Variants in DNAH17 observed in about 807,000 individuals in gnomAD.
DNAH17 encodes the protein axonemal beta dynein heavy chain 17.
In DNAH17, 376 loss-of-function variants were observed where a neutral mutation model predicts 485.6. The observed-to-expected ratio is 0.77, with a 90% CI of 0.71 to 0.84. DNAH17 has a LOEUF of 0.84. Among genes scored for constraint, DNAH17 ranks in the 40% least tolerant of loss-of-function variants. The pLI is 0.00. For missense variants in DNAH17, 6,370 were observed against 5,839.3 expected, an observed-to-expected ratio of 1.09 and a Z score of -2.96; for synonymous variants, 3,031 against 2,405.9, an observed-to-expected ratio of 1.26 and a Z score of -7.60.
intron 78 of DNAH17, 54 bp downstream of exon 78, chr17:78,426,872 C>T (rs1455666896): frequency 2.6e-6 from 4 of 1,553,228 alleles, no homozygotes; most frequent in African/African-American, 1.4e-5. Context: ...GCCTGGGTTT[C>T]TGCTGGTTTC....
chr17:78,484,825 G>GC, intron 48 of DNAH17, 43 bp downstream of exon 48: 1 of 1,201,078 alleles, frequency 8.3e-7, no homozygotes, highest in Non-Finnish European at 1.1e-6. Flanking sequence ...CGCCCTCACC[G>GC]CCCCGGGGCC....
chr17:78,571,505 G>A (rs2092357101), intron 4 of DNAH17, 85 bp downstream of exon 4: 1 of 1,535,280 alleles, frequency 6.5e-7, no homozygotes, highest in Non-Finnish European at 9.0e-7. Flanking sequence ...GGACTCCTGG[G>A]AGGTTGGCAC....
rs1475969027 is a variant in DNAH17 at position 78,545,511 on chromosome 17, G to T, written c.2392-1514C>A. Among the ~76,000 whole-genome samples, 5 of 152,116 alleles carry T rather than the reference G, an allele frequency of 3.3e-5. No homozygotes were observed. In the East Asian group the frequency reaches 9.6e-4, roughly 29 times the overall value. On this transcript the variant is annotated intron_variant, in intron 16 of 80. Transcript: ENST00000389840. ...CGCCTTCTTGTTGTGACCTCACATGGCGGAGGGGCAGAGTGAGCTCTCTCA... is the reference window on the plus strand; with the variant it reads ...CGCCTTCTTGTTGTGACCTCACATGTCGGAGGGGCAGAGTGAGCTCTCTCA...
intron 16 of DNAH17, among the ~76,000 whole-genome samples, chr17:78,549,101 A>C (rs138083936): frequency 3.3e-5 from 5 of 152,320 alleles, no homozygotes; most frequent in Non-Finnish European, 7.4e-5. Context: ...TATGAACTGC[A>C]CGTCTGTGTT....
intron 73 of DNAH17, among the ~76,000 whole-genome samples, 177 bp from the exon 74 acceptor site, chr17:78,438,045 A>G (rs905327663): frequency 1.3e-5 from 2 of 152,122 alleles, no homozygotes; most frequent in Non-Finnish European, 2.9e-5. Context: ...GGTGCTGGGC[A>G]TGCCAGGATG....
intron 48 of DNAH17, 151 bp downstream of exon 48, chr17:78,484,717 G>C (rs961295983): frequency 2.2e-6 from 1 of 455,352 alleles, no homozygotes; most frequent in Non-Finnish European, 3.5e-6. Context: ...TACGACCCGT[G>C]TCTCCCTACC....
At position 78,551,470 on chromosome 17, in the gene DNAH17, T is replaced by TG; in HGVS notation, c.2391+64dup. ...ACTTTCCATGGGCCTCTACGTAGCC[T>TG]GGTTTGCCCCAGGGCAGCCCCAGGC... is the stretch of plus-strand genomic sequence containing the variant. On this transcript the variant is annotated intron_variant, in intron 16 of 80. Coordinates refer to ENST00000389840, the MANE Select transcript of DNAH17 (RefSeq NM_173628.4). The TG allele has an allele frequency of 3.3e-6, 5 of 1,493,162 alleles. No individual in the cohort carries two copies. In the South Asian group the frequency reaches 5.7e-5, roughly 17 times the overall value. The allele number at this position is 1,493,162 out of a possible 1,614,324, so 92.5% of individuals were successfully genotyped here.
chr17:78,506,904 C>T, intron 29 of DNAH17, 58 bp from the exon 30 acceptor site: 1 of 1,602,360 alleles, frequency 6.2e-7, no homozygotes, highest in Non-Finnish European at 8.5e-7. Flanking sequence ...GGGATGTCTG[C>T]CACCCACCCT....
intron 40 of DNAH17, 129 bp from the exon 41 acceptor site, chr17:78,494,302 G>A (rs779945324): frequency 3.4e-5 from 46 of 1,345,810 alleles, no homozygotes; most frequent in Non-Finnish European, 4.4e-5. Flanking sequence ...ATGCACGTGC[G>A]TCTGCAAGTT....
At chr17:78,569,109 C>A in intron 9 of DNAH17, 57 bp downstream of exon 9, 1 of 1,404,404 alleles carries the variant, frequency 7.1e-7, no homozygotes, top group Non-Finnish European at 9.9e-7. Flanking sequence ...TGCAGGTGTC[C>A]TAGGGTAGGA....
chr17:78,513,113 C>T (rs757018252), intron 26 of DNAH17, among the ~76,000 whole-genome samples: 11 of 151,974 alleles, frequency 7.2e-5, no homozygotes, highest in Non-Finnish European at 1.6e-4. Flanking sequence ...CCCCCCTCTG[C>T]TAGGGGCATT....
intron 20 of DNAH17, among the ~76,000 whole-genome samples, chr17:78,531,411 T>C (rs968484412): frequency 1.4e-5 from 2 of 147,962 alleles, no homozygotes; most frequent in Non-Finnish European, 3.0e-5. Flanking sequence ...TGATCTTGAC[T>C]CACTGCAAGC....
intron 27 of DNAH17, 59 bp downstream of exon 27, chr17:78,510,325 G>A: frequency 2.5e-6 from 4 of 1,590,604 alleles, no homozygotes; most frequent in South Asian, 2.2e-5. Flanking sequence ...TCAGTGGTTG[G>A]AGGGGGCAGT....
intron 58 of DNAH17, among the ~76,000 whole-genome samples, chr17:78,461,302 G>A (rs771273591): frequency 7.9e-5 from 12 of 152,194 alleles, no homozygotes; most frequent in Non-Finnish European, 1.8e-4. Context: ...GTAGGCTGGG[G>A]GCTGAACATG....
At chr17:78,550,029 CA>C (rs972634478) in intron 16 of DNAH17, among the ~76,000 whole-genome samples, 3 of 152,154 alleles carry the variant, frequency 2.0e-5, no homozygotes, top group Non-Finnish European at 2.9e-5. Context: ...ATCGAGAAGC[CA>C]CACGTGCAGA....
chr17:78,514,503 CAA>C (rs79884057), intron 26 of DNAH17, among the ~76,000 whole-genome samples: 26 of 112,148 alleles, frequency 2.3e-4, no homozygotes, highest in African/African-American at 6.6e-4. Flanking sequence ...GACTCCGTCT[CAA>C]AAAAAAAAAA....
intron 58 of DNAH17, 80 bp from the exon 59 acceptor site, chr17:78,460,337 T>TGTGTGTGCATGTGTGTGCA: frequency 1.1e-6 from 1 of 897,008 alleles, no homozygotes; most frequent in Non-Finnish European, 1.7e-6. Context: ...TGTGTGTGCA[T>TGTGTGTGCATGTGTGTGCA]GTGTGTGCAT....
chr17:78,484,878 G>A lies in DNAH17; in HGVS notation c.7639C>T (p.His2547Tyr). 3.2e-6 allele frequency: 5 copies of A among 1,565,178 alleles called. No individual in the cohort carries two copies. Among genetic ancestry groups the A allele is most frequent in the East Asian group, 2.4e-5 (1 of 42,030 alleles). ...PHTLIRQHMD[H>Y]RHWYDRHKLT... ...CCCGCCCCGTCTAACCAGTGCCGGT[G>A]GTCCATGTGCTGCCGGATGAGGGTG... Residue 2547 changes from histidine to tyrosine, a missense_variant, in exon 48 of 81, where the codon CAC becomes TAC. His to Tyr is a moderately conservative substitution (Grantham distance 83). Transcript: ENST00000389840.
chr17:78,475,508 C>G, intron 53 of DNAH17, 39 bp from the exon 54 acceptor site: 1 of 1,612,364 alleles, frequency 6.2e-7, no homozygotes, highest in Non-Finnish European at 8.5e-7. Flanking sequence ...TCTTGTAGCA[C>G]CTGGAATCAC....
Sources: allele counts gnomAD v4.1 joint callset (sites outside exome capture counted in the v4.1 genomes callset), GRCh38; gene constraint gnomAD v4.1.1; transcripts MANE v1.5; gene names NCBI Gene and HGNC (gene_info 2026-07-23, HGNC 2026-07-21).